RPAP3: variants seen among roughly 807,000 people sequenced by gnomAD.
RPAP3 encodes the protein RNA polymerase II-associated protein 3.
A neutral mutation model predicts 88.8 loss-of-function variants in RPAP3; 58 were observed. The observed-to-expected ratio is 0.65, with a 90% CI of 0.53 to 0.81. RPAP3 has a LOEUF of 0.81. Ranked by LOEUF, RPAP3 falls within the 40% of genes least tolerant of loss-of-function variation. The pLI, the probability that RPAP3 is intolerant of heterozygous loss-of-function variation, is 0.00. For synonymous variants in RPAP3, 255 were observed against 259.9 expected (o/e 0.98, Z 0.18); for missense variants, 751 against 764.3 (o/e 0.98, Z 0.20).
At chr12:47,665,545 C>T (rs2136603120) in intron 16 of RPAP3, among the ~76,000 whole-genome samples, 1 of 151,206 alleles carries the variant, frequency 6.6e-6, no homozygotes, top group Middle Eastern at 3.5e-3. Flanking sequence ...TTTCAAGGAA[C>T]ATTTCTGGTT....
At chr12:47,679,353 G>A (rs1939177540) in intron 12 of RPAP3, 140 bp downstream of exon 12, 7 of 549,644 alleles carry the variant, frequency 1.3e-5, no homozygotes, top group Non-Finnish European at 2.3e-5. Flanking sequence ...CTATGTATCA[G>A]ATCTGCACGT....
intron 16 of RPAP3, among the ~76,000 whole-genome samples, chr12:47,665,068 A>C (rs145949850): frequency 1.7e-3 from 255 of 151,574 alleles, no homozygotes; most frequent in African/African-American, 5.7e-3. Flanking sequence ...CCTCGAGGCC[A>C]AAATAAGTTT....
At chr12:47,663,935 T>A (rs377120267) in intron 16 of RPAP3, among the ~76,000 whole-genome samples, 1 of 150,390 alleles carries the variant, frequency 6.6e-6, no homozygotes, top group East Asian at 1.9e-4. Context: ...TTAATATTTT[T>A]ATTTCAACTA....
intron 4 of RPAP3, among the ~76,000 whole-genome samples, chr12:47,696,666 T>C (rs1452366949): frequency 1.3e-5 from 2 of 152,114 alleles, no homozygotes; most frequent in African/African-American, 4.8e-5. Context: ...AGACTTTAGA[T>C]CCACTTCTAC....
chr12:47,684,264 C>A (rs138372785), intron 9 of RPAP3, among the ~76,000 whole-genome samples: 1 of 152,196 alleles, frequency 6.6e-6, no homozygotes, highest in African/African-American at 2.4e-5. Context: ...ACTATCACCT[C>A]CAGAAAGCAC....
chr12:47,664,074 A>T (rs546941368), intron 16 of RPAP3, among the ~76,000 whole-genome samples: 1 of 152,374 alleles, frequency 6.6e-6, no homozygotes, highest in East Asian at 1.9e-4. Context: ...ATATTACAAA[A>T]TTAAAACTAC....
chr12:47,699,210 T>C (rs1046505679), intron 3 of RPAP3, among the ~76,000 whole-genome samples: 6 of 152,228 alleles, frequency 3.9e-5, no homozygotes, highest in African/African-American at 1.2e-4. Flanking sequence ...GATGGCATTG[T>C]CCACATACAG....
chr12:47,674,084 T>TAAAAAA (rs34101861), intron 12 of RPAP3, among the ~76,000 whole-genome samples: 1 of 123,338 alleles, frequency 8.1e-6, no homozygotes, highest in Non-Finnish European at 1.6e-5. Flanking sequence ...TTAAAGATTC[T>TAAAAAA]AAAAAAAAAA....
chr12:47,684,846 T>A (rs1285032384), intron 9 of RPAP3, among the ~76,000 whole-genome samples: 2 of 152,208 alleles, frequency 1.3e-5, no homozygotes, highest in Non-Finnish European at 2.9e-5. Flanking sequence ...TGATCTTCAC[T>A]CTGACTAGTC....
intron 1 of RPAP3, among the ~76,000 whole-genome samples, chr12:47,703,155 G>A (rs1939691208): frequency 6.6e-6 from 1 of 152,216 alleles, no homozygotes; most frequent in Admixed American, 6.5e-5. Context: ...CATCTCTGGA[G>A]TTGAGCGATT....
chr12:47,680,106 T>C (rs899882948), intron 10 of RPAP3, among the ~76,000 whole-genome samples: 10 of 152,108 alleles, frequency 6.6e-5, no homozygotes, highest in Non-Finnish European at 4.4e-5. Flanking sequence ...AATAAGAGAA[T>C]TACATACAAC....
chr12:47,696,588 G>A (rs776497081), intron 4 of RPAP3, among the ~76,000 whole-genome samples, 185 bp from the exon 5 acceptor site: 5 of 151,336 alleles, frequency 3.3e-5, no homozygotes, highest in African/African-American at 7.3e-5. Flanking sequence ...TCTGCCACCC[G>A]AGAGAGCAAG....
Position 47,701,615 on chromosome 12 carries a change from A to G in RPAP3, c.154-11T>C, listed in dbSNP as rs1939655940. On this transcript the variant is annotated splice_polypyrimidine_tract_variant and intron_variant, in intron 2 of 16. Coordinates refer to ENST00000005386, the MANE Select transcript of RPAP3 (RefSeq NM_024604.3). Reference sequence around the variant, plus strand: ...AATAGGAGGTAAATTCTAAGGAGGGAAAAAAAAACACAAAGTTGTGAGTAT... The same window carrying G: ...AATAGGAGGTAAATTCTAAGGAGGGGAAAAAAAACACAAAGTTGTGAGTAT... The G allele has an allele frequency of 2.0e-6, 3 of 1,537,598 alleles. No individual in the cohort carries two copies. Among genetic ancestry groups the G allele is most frequent in the Non-Finnish European group, 2.6e-6 (3 of 1,143,614 alleles).
intron 3 of RPAP3, 82 bp from the exon 4 acceptor site, chr12:47,697,801 C>T: frequency 2.4e-6 from 3 of 1,244,382 alleles, no homozygotes; most frequent in Non-Finnish European, 3.4e-6. Context: ...AAAAAATACA[C>T]TCAAATGAAT....
chr12:47,673,208 C>G (rs1399872380), intron 12 of RPAP3, among the ~76,000 whole-genome samples: 1 of 151,760 alleles, frequency 6.6e-6, no homozygotes, highest in Non-Finnish European at 1.5e-5. Context: ...TTTGGGAGGC[C>G]AAGGTGGGCA....
In RPAP3 at chr12:47,681,729, T is replaced by C; in HGVS notation, c.1081A>G (p.Thr361Ala). 1.2e-6 allele frequency: 2 copies of C among 1,612,656 alleles called. No individual in the cohort carries two copies. Among genetic ancestry groups the C allele is most frequent in the Non-Finnish European group, 1.7e-6 (2 of 1,179,374 alleles). The change falls in exon 10 of 17, where the codon ACA (threonine) becomes GCA (alanine). Residue 361 changes from threonine (T) to alanine (A), a missense_variant. Thr to Ala is a moderately conservative substitution (Grantham distance 58, BLOSUM62 0). Coordinates refer to ENST00000005386, the MANE Select transcript of RPAP3 (RefSeq NM_024604.3). Reference protein sequence around the residue: ...KAFARRGTARTFLGKLNEAKQ... With the variant: ...KAFARRGTARAFLGKLNEAKQ... ...GCCTCATTTAGCTTTCCCAAAAATG[T>C]TCTTGCAGTTCCTCTTCTGGCAAAA...
chr12:47,698,458 A>G (rs529284675), intron 3 of RPAP3, among the ~76,000 whole-genome samples: 43 of 152,132 alleles, frequency 2.8e-4, no homozygotes, highest in Non-Finnish European at 5.4e-4. Context: ...ATAGACCTCC[A>G]CCAGAATTTT....
chr12:47,701,596 A>T lies in RPAP3; in HGVS notation c.162T>A (p.Pro54=), dbSNP rs1335790115. 1.3e-6 allele frequency: 2 copies of T among 1,586,702 alleles called. No individual in the cohort carries two copies. Among genetic ancestry groups the T allele is most frequent in the Admixed American group, 1.8e-5 (1 of 55,318 alleles). Residue 54 remains proline (P), a synonymous_variant, in exon 3 of 17, where the codon CCT becomes CCA. Coordinates refer to ENST00000005386, the MANE Select transcript of RPAP3 (RefSeq NM_024604.3). ...RQNGVPEENL[P]PIRNGNFRKK... is the part of the protein sequence containing the mutation. ...TCCTAAAATTCCCATTTCGAATAGG[A>T]GGTAAATTCTAAGGAGGGAAAAAAA...
chr12:47,686,464 T>C (rs1256436135), intron 9 of RPAP3, among the ~76,000 whole-genome samples: 1 of 151,310 alleles, frequency 6.6e-6, no homozygotes, highest in Non-Finnish European at 1.5e-5. Flanking sequence ...AGCGGGAAAA[T>C]ATTAACAAGA....
Sources: gnomAD v4.1 joint callset for allele counts (sites outside exome capture counted in the v4.1 genomes callset) on GRCh38, gnomAD v4.1.1 for gene constraint, MANE v1.5 for transcripts, NCBI Gene and HGNC (gene_info 2026-07-23, HGNC 2026-07-21) for gene names.